RAB2A: variants seen among roughly 807,000 people sequenced by gnomAD.
RAB2A encodes RAB2A, member RAS oncogene family, also known as ras-related protein Rab-2A.
A neutral mutation model predicts 32.5 loss-of-function variants in RAB2A; 7 were observed. The observed-to-expected ratio is 0.22, with a 90% CI of 0.12 to 0.40. The LOEUF is 0.40. Among genes scored for constraint, RAB2A ranks in the 10% least tolerant of loss-of-function variants. The probability of loss-of-function intolerance (pLI) is 1.00; values close to 1 mark genes in which losing one functional copy is unlikely to be tolerated. For missense variants in RAB2A, 108 were observed against 260.7 expected (o/e 0.41, Z 4.03); for synonymous variants, 79 against 85.2 (o/e 0.93, Z 0.40).
intron 3 of RAB2A, among the ~76,000 whole-genome samples, chr8:60,577,686 T>G (rs1299645149): frequency 6.6e-6 from 1 of 151,790 alleles, no homozygotes; most frequent in Non-Finnish European, 1.5e-5. Context: ...TGCAGTGGCG[T>G]GATCTCGGCT....
Position 60,623,481 on chromosome 8 carries a change from GCTAAAAGATACA to G in RAB2A, c.*2714_*2725del, listed in dbSNP as rs1268648543. 6.6e-6 allele frequency: 1 copy of G among 152,070 alleles called. No homozygotes were observed. The highest frequency in any genetic ancestry group is 1.5e-5 in the Non-Finnish European group (1 of 68,022). 9.4% of individuals were successfully genotyped at this position (152,070 alleles called of 1,614,324 possible). A position where few individuals can be genotyped will look rare whatever the true frequency, so the allele number is the denominator to read the frequency against. On this transcript the variant is annotated 3_prime_UTR_variant, in exon 8 of 8. Transcript: ENST00000262646. ...GGCAGCATGGGGTTTGACTATATGA[GCTAAAAGATACA>G]CAAAGAGATAACGCTGTTTCATAAT...
intron 6 of RAB2A, among the ~76,000 whole-genome samples, chr8:60,607,117 CTT>C (rs201215354): frequency 3.2e-5 from 4 of 124,744 alleles, no homozygotes; most frequent in Non-Finnish European, 5.2e-5. Context: ...GGTCAATTGT[CTT>C]TTTTTTTTTT....
chr8:60,546,891 C>CTT (rs6150606), intron 1 of RAB2A, among the ~76,000 whole-genome samples: 14 of 98,922 alleles, frequency 1.4e-4, no homozygotes, highest in South Asian at 6.7e-4. Flanking sequence ...TTTTTTGGGT[C>CTT]TTTTTTTTTT....
At chr8:60,617,468 T>G (rs976425348) in intron 6 of RAB2A, among the ~76,000 whole-genome samples, 15 of 152,224 alleles carry the variant, frequency 9.9e-5, no homozygotes, top group South Asian at 2.1e-4. Context: ...TTTACATAAT[T>G]GAAATGTGTT....
intron 6 of RAB2A, among the ~76,000 whole-genome samples, chr8:60,611,799 A>C (rs955175421): frequency 6.6e-6 from 1 of 152,228 alleles, no homozygotes; most frequent in African/African-American, 2.4e-5. Flanking sequence ...GTTTAAATCC[A>C]CTTGAATTAC....
At chr8:60,614,984 G>A (rs960944116) in intron 6 of RAB2A, among the ~76,000 whole-genome samples, 5 of 152,194 alleles carry the variant, frequency 3.3e-5, no homozygotes, top group Non-Finnish European at 7.3e-5. Flanking sequence ...CTTCATAATC[G>A]TGGATCTGCC....
chr8:60,560,847 A>G (rs760743037), intron 2 of RAB2A, among the ~76,000 whole-genome samples: 4 of 152,020 alleles, frequency 2.6e-5, no homozygotes, highest in Non-Finnish European at 4.4e-5. Flanking sequence ...CCAAAAGATC[A>G]GACACCTCTG....
intron 1 of RAB2A, among the ~76,000 whole-genome samples, chr8:60,523,201 A>G (rs1325368186): frequency 1.3e-5 from 2 of 150,010 alleles, no homozygotes; most frequent in African/African-American, 4.9e-5. Context: ...GCTGTCACCC[A>G]GGCTGGAGTG....
chr8:60,541,679 C>T (rs933355369), intron 1 of RAB2A, among the ~76,000 whole-genome samples: 5 of 152,144 alleles, frequency 3.3e-5, no homozygotes, highest in Non-Finnish European at 5.9e-5. Context: ...ACGAGCACAA[C>T]TCCATTAACC....
chr8:60,608,440 C>T (rs77983238), intron 6 of RAB2A, among the ~76,000 whole-genome samples: 22,375 of 151,184 alleles, frequency 0.15, 1,820 homozygotes, highest in East Asian at 0.26. Context: ...CTCTTTCTCT[C>T]TCTCTCTCTG....
intron 7 of RAB2A, among the ~76,000 whole-genome samples, chr8:60,619,291 A>T (rs1381315330): frequency 1.3e-5 from 2 of 151,786 alleles, no homozygotes; most frequent in African/African-American, 2.4e-5. Flanking sequence ...CCACATCCCC[A>T]CTCTGCATTT....
intron 6 of RAB2A, among the ~76,000 whole-genome samples, chr8:60,605,364 G>A (rs1390939614): frequency 1.3e-5 from 2 of 152,248 alleles, no homozygotes; most frequent in Non-Finnish European, 2.9e-5. Context: ...GGGCAGTGCA[G>A]AGGGAAAATG....
intron 6 of RAB2A, among the ~76,000 whole-genome samples, chr8:60,612,621 AC>A (rs1378767081): frequency 3.3e-5 from 5 of 152,258 alleles, no homozygotes; most frequent in Admixed American, 3.3e-4. Context: ...TAGTGAGAAG[AC>A]TATTAGATTC....
chr8:60,562,859 A>G (rs1228105696), intron 2 of RAB2A, among the ~76,000 whole-genome samples: 1 of 152,166 alleles, frequency 6.6e-6, no homozygotes, highest in Admixed American at 6.5e-5. Context: ...AGAGTTGCAT[A>G]TATACATTGA....
Position 60,544,552 on chromosome 8 carries a change from C to CTTT in RAB2A, c.47-14282_47-14280dup, listed in dbSNP as rs35482452. On this transcript the variant is annotated intron_variant, in intron 1 of 7. Coordinates refer to ENST00000262646, the MANE Select transcript of RAB2A (RefSeq NM_002865.3). ...GAATGCTATTTTTTTTCCCTAGTGC[C>CTTT]TTTTTTTTTTTTTTTTTTTTAAAAT... Among the ~76,000 whole-genome samples, 22 of 114,156 alleles carry CTTT rather than the reference C, an allele frequency of 1.9e-4. 1 individual carries two copies. The East Asian group carries it at 2.4e-3, about 12-fold the overall frequency. The allele number at this position is 114,156 out of a possible 152,430, so 74.9% of individuals were successfully genotyped here. A position where few individuals can be genotyped will look rare whatever the true frequency, so the allele number is the denominator to read the frequency against.
At chr8:60,573,339 C>G (rs1045894970) in intron 3 of RAB2A, among the ~76,000 whole-genome samples, 2 of 152,230 alleles carry the variant, frequency 1.3e-5, no homozygotes, top group African/African-American at 2.4e-5. Context: ...TAGTTTCTCA[C>G]TTGTCATGTG....
In RAB2A at chr8:60,517,300, C is replaced by T. The variant is rs1055542778; in HGVS notation, c.46+47C>T. 4.1e-6 allele frequency: 6 copies of T among 1,461,436 alleles called. No individual in the cohort carries two copies. The African/African-American group carries it at 7.4e-5, about 18-fold the overall frequency. 90.5% of individuals were successfully genotyped at this position (1,461,436 alleles called of 1,614,324 possible). A position where few individuals can be genotyped will look rare whatever the true frequency, so the allele number is the denominator to read the frequency against. On this transcript the variant is annotated intron_variant, in intron 1 of 7. Coordinates refer to ENST00000262646, the MANE Select transcript of RAB2A (RefSeq NM_002865.3). Reference sequence around the variant, plus strand: ...GGGCGGGTGTCGGCGGCCTCCGGACCCGGGCTGAGGGGCAAACGGCGTCTG... The same window carrying T: ...GGGCGGGTGTCGGCGGCCTCCGGACTCGGGCTGAGGGGCAAACGGCGTCTG...
At chr8:60,562,017 C>T (rs1255617615) in intron 2 of RAB2A, among the ~76,000 whole-genome samples, 3 of 152,142 alleles carry the variant, frequency 2.0e-5, no homozygotes, top group South Asian at 2.1e-4. Flanking sequence ...CACTATGTGC[C>T]GTCAAGTCTT....
intron 2 of RAB2A, among the ~76,000 whole-genome samples, chr8:60,565,176 T>C (rs1343243052): frequency 6.6e-6 from 1 of 152,160 alleles, no homozygotes; most frequent in Non-Finnish European, 1.5e-5. Context: ...CCCAACACTT[T>C]GGGAGGCAGA....
Sources: allele counts gnomAD v4.1 joint callset (sites outside exome capture counted in the v4.1 genomes callset), GRCh38; gene constraint gnomAD v4.1.1; transcripts MANE v1.5; gene names NCBI Gene and HGNC (gene_info 2026-07-23, HGNC 2026-07-21).